The following CCDC142 variants were observed in gnomAD, a reference collection of about 807,000 sequenced individuals.
CCDC142 encodes the protein coiled-coil domain containing 142.
A neutral mutation model predicts 83.8 loss-of-function variants in CCDC142; 67 were observed. The observed-to-expected ratio is 0.80, with a 90% CI of 0.66 to 0.98. The LOEUF (loss-of-function observed/expected upper bound fraction) is 0.98, where lower values mean the gene tolerates loss of function less well. CCDC142 is among the 50% of genes least tolerant of loss of function. CCDC142 has a pLI of 0.00. For missense variants in CCDC142, 905 were observed against 946.8 expected, an observed-to-expected ratio of 0.96 and a Z score of 0.58; for synonymous variants, 421 against 421.2, an observed-to-expected ratio of 1.00 and a Z score of 0.01.
At chr2:74,478,726 T>G (rs1452661435) in intron 5 of CCDC142, among the ~76,000 whole-genome samples, 1 of 151,964 alleles carries the variant, frequency 6.6e-6, no homozygotes, top group African/African-American at 2.4e-5. Context: ...AAAAAAATTT[T>G]TTTAAGTAGC....
At chr2:74,477,996 A>AT (rs1489130914) in intron 5 of CCDC142, among the ~76,000 whole-genome samples, 55 of 145,300 alleles carry the variant, frequency 3.8e-4, no homozygotes, top group East Asian at 2.5e-3. Flanking sequence ...ATTAAAAAAA[A>AT]AATATATATA....
In CCDC142 at chr2:74,481,953, G is replaced by A. The variant is rs1009681406; in HGVS notation, c.885C>T (p.Leu295=). 5 of 1,613,812 alleles carry A rather than the reference G, an allele frequency of 3.1e-6. No homozygotes were observed. The South Asian group carries it at 4.4e-5, about 14-fold the overall frequency. ...GGCTCCACAAGGCCCCAGCCCCTCC[G>A]AGCCCTAGTCCACAGCTGGCTGAAC... ...VAGSASCGLG[L]GGAGALWSQY... The change falls in exon 1 of 9, where the codon CTC becomes CTT. Residue 295 remains leucine, a synonymous_variant. Transcript: ENST00000393965.
chr2:74,472,922 CATAA>C lies in CCDC142; in HGVS notation c.*1620_*1623del. 1.8e-6 allele frequency: 1 copy of C among 544,270 alleles called. No individual in the cohort carries two copies. The highest frequency in any genetic ancestry group is 3.3e-6 in the Non-Finnish European group (1 of 304,318). 33.7% of individuals were successfully genotyped at this position (544,270 alleles called of 1,614,324 possible). ...AGTCCTCTCATACGACGGTGAAAAC[CATAA>C]ATAAATGGCGCAAAAACCTCTTTGC... On this transcript the variant is annotated 3_prime_UTR_variant, in exon 9 of 9. Transcript: ENST00000393965.
chr2:74,475,585 G>A (rs1170693703), intron 6 of CCDC142, 27 bp downstream of exon 6: 3 of 1,584,550 alleles, frequency 1.9e-6, no homozygotes, highest in Non-Finnish European at 2.6e-6. Context: ...TGGAACTCTG[G>A]AAGGAGAAGC....
intron 5 of CCDC142, among the ~76,000 whole-genome samples, chr2:74,477,603 C>G (rs1672352181): frequency 6.6e-6 from 1 of 152,196 alleles, no homozygotes; most frequent in Non-Finnish European, 1.5e-5. Context: ...CTGCCCACTT[C>G]CAGTAACCCC....
intron 5 of CCDC142, among the ~76,000 whole-genome samples, chr2:74,476,363 A>C (rs947373743): frequency 2.0e-5 from 3 of 152,080 alleles, no homozygotes; most frequent in African/African-American, 7.2e-5. Flanking sequence ...AGTAAAGACA[A>C]GGTTTTGCCA....
chr2:74,480,590 C>CAAAAA (rs374053495), intron 5 of CCDC142, among the ~76,000 whole-genome samples, 179 bp downstream of exon 5: 1 of 56,092 alleles, frequency 1.8e-5, no homozygotes, highest in African/African-American at 5.2e-5. Flanking sequence ...GACCCTGTCT[C>CAAAAA]AAAAAAAAAA....
At position 74,474,940 on chromosome 2, in the gene CCDC142, C is replaced by CT; in HGVS notation, c.1971dup (p.Val658SerfsTer26). ...CAGCAACAGGGGGGCCTCCTGTGGA[C>CT]TTGAGACTTGGGCAGGGGCTGCTGC... On this transcript the variant is annotated frameshift_variant, in exon 8 of 9. Transcript: ENST00000393965. LOFTEE classifies it high-confidence loss of function. 1 of 1,602,314 alleles carries CT rather than the reference C, an allele frequency of 6.2e-7. No homozygotes were observed. Among genetic ancestry groups the CT allele is most frequent in the Non-Finnish European group, 8.5e-7 (1 of 1,173,950 alleles).
In CCDC142 at chr2:74,482,225, G is replaced by A. The variant is rs754397655; in HGVS notation, c.613C>T (p.Leu205=). 1 of 1,613,484 alleles carries A rather than the reference G, an allele frequency of 6.2e-7. No homozygotes were observed. Among genetic ancestry groups the A allele is most frequent in the Non-Finnish European group, 8.5e-7 (1 of 1,179,916 alleles). Reference sequence around the variant, plus strand: ...TGGTAGGCGGGAAGTGCAAAGAGCAGCTCGGCGAGTTGGGACGACAGGCCC... The same window carrying A: ...TGGTAGGCGGGAAGTGCAAAGAGCAACTCGGCGAGTTGGGACGACAGGCCC... ...SPGLSSQLAE[L]LFALPAYHTL... Residue 205 remains leucine, a synonymous_variant, in exon 1 of 9, where the codon CTG becomes TTG. Transcript: ENST00000393965. The surrounding 1 kb of genome is among the most constrained non-coding windows in gnomAD (Gnocchi z 5.0).
Position 74,482,801 on chromosome 2 carries a change from G to T in CCDC142, c.37C>A (p.Leu13Ile). 1 of 1,599,970 alleles carries T rather than the reference G, an allele frequency of 6.3e-7. No homozygotes were observed. Among genetic ancestry groups the T allele is most frequent in the South Asian group, 1.1e-5 (1 of 91,072 alleles). ...GCCCTCAGCGGGGGCACGATAACGA[G>T]TGGAGGCAGGCTACCTGAGCGAGAC... is the stretch of plus-strand genomic sequence containing the variant. Reference protein sequence around the residue: ...QASRSGSLPPLVIVPPLRAQP... With the variant: ...QASRSGSLPPIVIVPPLRAQP... The change falls in exon 1 of 9, where the codon CTC becomes ATC. Residue 13 changes from leucine to isoleucine, a missense_variant. Leu to Ile is a conservative substitution (Grantham distance 5). Around this residue, in one of 3 missense-constraint regions of CCDC142, gnomAD observed 591 missense variants for 571.4 expected, o/e 1.03. Coordinates refer to ENST00000393965, the MANE Select transcript of CCDC142 (RefSeq NM_001365575.2). This position sits in a 1 kb window ranked among gnomAD's most constrained non-coding sequence, Gnocchi z 5.0.
chr2:74,482,901 C>T lies in CCDC142; in HGVS notation c.-64G>A. 1 of 1,568,162 alleles carries T rather than the reference C, an allele frequency of 6.4e-7. No individual in the cohort carries two copies. Among genetic ancestry groups the T allele is most frequent in the Admixed American group, 1.7e-5 (1 of 57,514 alleles). On this transcript the variant is annotated 5_prime_UTR_variant, in exon 1 of 9. Transcript: ENST00000393965. The surrounding 1 kb of genome is among the most constrained non-coding windows in gnomAD (Gnocchi z 5.0). ...TCCCTGCACGGACCAACGCCCGCCGCAGCTCGGACTTCGCCCCATCGCAAG... is the reference window on the plus strand; with the variant it reads ...TCCCTGCACGGACCAACGCCCGCCGTAGCTCGGACTTCGCCCCATCGCAAG...
Position 74,474,914 on chromosome 2 carries a change from A to T in CCDC142, c.1996+2T>A. Reference sequence around the variant, plus strand: ...AGCAGTGAGCGAAGGGGAGTAACTCACAGCAACAGGGGGGCCTCCTGTGGA... The same window carrying T: ...AGCAGTGAGCGAAGGGGAGTAACTCTCAGCAACAGGGGGGCCTCCTGTGGA... On this transcript the variant is annotated splice_donor_variant, in intron 8 of 8. Transcript: ENST00000393965. LOFTEE classifies it high-confidence loss of function. 2 of 1,589,688 alleles carry T rather than the reference A, an allele frequency of 1.3e-6. No individual in the cohort carries two copies. The highest frequency in any genetic ancestry group is 1.7e-6 in the Non-Finnish European group (2 of 1,166,792).
At position 74,482,750 on chromosome 2, in the gene CCDC142, G is replaced by T; in HGVS notation, c.88C>A (p.Gln30Lys). 2 of 1,602,216 alleles carry T rather than the reference G, an allele frequency of 1.2e-6. No individual in the cohort carries two copies. The highest frequency in any genetic ancestry group is 1.1e-5 in the South Asian group (1 of 91,090). Reference protein sequence around the residue: ...RAQPGGTGEEQWERSRTGGLR... With the variant: ...RAQPGGTGEEKWERSRTGGLR... The stretch of plus-strand genomic sequence containing the variant: ...CCGCCCGTTCGACTTCTCTCCCACT[G>T]CTCCTCCCCAGTGCCCCCGGGTTGC... The change falls in exon 1 of 9, where the codon CAG becomes AAG. Residue 30 changes from glutamine (Q) to lysine (K), a missense_variant. Physicochemically the swap from Gln to Lys is moderately conservative, Grantham distance 53. Transcript: ENST00000393965. This position sits in a 1 kb window ranked among gnomAD's most constrained non-coding sequence, Gnocchi z 5.0.
rs764085877 is a variant in CCDC142, at chr2:74,481,088, TG to T, written c.1259-3del. Reference sequence around the variant, plus strand: ...GACCTAGGGCGACAGGCGCAGGATCTGGGGATTTGAGCAGCAGAGTGAGTAT... The same window carrying T: ...GACCTAGGGCGACAGGCGCAGGATCTGGGATTTGAGCAGCAGAGTGAGTAT... On this transcript the variant is annotated splice_region_variant and splice_polypyrimidine_tract_variant and intron_variant, in intron 3 of 8. Transcript: ENST00000393965. 1 of 1,611,580 alleles carries T rather than the reference TG, an allele frequency of 6.2e-7. No homozygotes were observed. The highest frequency in any genetic ancestry group is 8.5e-7 in the Non-Finnish European group (1 of 1,177,864).
Position 74,481,246 on chromosome 2 carries a change from C to A in CCDC142, c.1235G>T (p.Arg412Leu). 4 of 1,614,064 alleles carry A rather than the reference C, an allele frequency of 2.5e-6. No homozygotes were observed. The highest frequency in any genetic ancestry group is 3.4e-6 in the Non-Finnish European group (4 of 1,179,990). The part of the protein sequence containing the change: ...LLDALREPRL[R>L]RIFCQPADPA... ...ACCTGCAGGCTGGCAGAAAATCCGT[C>A]GTAACCTGGGCTCTCGAAGGGCATC... The change falls in exon 3 of 9, where the codon CGA becomes CTA. Residue 412 changes from arginine to leucine, a missense_variant. Physicochemically the swap from Arg to Leu is moderately radical, Grantham distance 102 (BLOSUM62 -2). Transcript: ENST00000393965.
In CCDC142 at chr2:74,477,989, A is replaced by T. The variant is rs79457406; in HGVS notation, c.1504-2263T>A. ...TATGTCACGAGCCAAACTTCTAATT[A>T]AAAAAAAAATATATATATATATAAA... On this transcript the variant is annotated intron_variant, in intron 5 of 8. Transcript: ENST00000393965. Among the ~76,000 whole-genome samples, 715 of 129,872 alleles carry T rather than the reference A, an allele frequency of 5.5e-3. 6 individuals carry two copies. The highest frequency in any genetic ancestry group is 0.018 in the African/African-American group (638 of 34,934). 85.2% of individuals were successfully genotyped at this position (129,872 alleles called of 152,430 possible). A position where few individuals can be genotyped will look rare whatever the true frequency, so the allele number is the denominator to read the frequency against.
Position 74,473,050 on chromosome 2 carries a change from A to T in CCDC142, c.*1496T>A. On this transcript the variant is annotated 3_prime_UTR_variant, in exon 9 of 9. Transcript: ENST00000393965. ...TTAAATCCTGGCTTCTTCCAAAGAG[A>T]GAGCACTAACACAAGCCGGGATGAT... 1 of 289,584 alleles carries T rather than the reference A, an allele frequency of 3.5e-6. No individual in the cohort carries two copies. Among genetic ancestry groups the T allele is most frequent in the Non-Finnish European group, 6.6e-6 (1 of 150,786 alleles). 17.9% of individuals were successfully genotyped at this position (289,584 alleles called of 1,614,324 possible).
In CCDC142 at chr2:74,473,063, A is replaced by C. The variant is rs13403485; in HGVS notation, c.*1483T>G. ...TCTTCCAAAGAGAGAGCACTAACAC[A>C]AGCCGGGATGATCCACACCAGAAGG... On this transcript the variant is annotated 3_prime_UTR_variant, in exon 9 of 9. Transcript: ENST00000393965. 0.015 allele frequency: 3,739 copies of C among 254,522 alleles called. 156 individuals are homozygous for C. Among genetic ancestry groups the C allele is most frequent in the African/African-American group, 0.08 (3,489 of 43,564 alleles). The allele number at this position is 254,522 out of a possible 1,614,324, so 15.8% of individuals were successfully genotyped here.
chr2:74,476,461 C>G (rs1349385480), intron 5 of CCDC142, among the ~76,000 whole-genome samples: 1 of 152,172 alleles, frequency 6.6e-6, no homozygotes, highest in African/African-American at 2.4e-5. Flanking sequence ...ATGTGAGCCA[C>G]TAAGCCACTA....
Sources: allele counts gnomAD v4.1 joint callset (sites outside exome capture counted in the v4.1 genomes callset), GRCh38; gene constraint gnomAD v4.1.1; regional missense constraint gnomAD v4.1.1; non-coding constraint Gnocchi (gnomAD v3.1); transcripts MANE v1.5; gene names NCBI Gene and HGNC (gene_info 2026-07-23, HGNC 2026-07-21).